CPNE4: variants seen among roughly 807,000 people sequenced by gnomAD.
The protein encoded by CPNE4 is copine 4, also known as copine-4.
CPNE4 carries 25 observed loss-of-function variants against 67.9 expected under a neutral mutation model. The observed-to-expected ratio is 0.37, with a 90% CI of 0.27 to 0.51. The LOEUF (loss-of-function observed/expected upper bound fraction) is 0.51. CPNE4 is among the 20% of genes least tolerant of loss of function. CPNE4 has a pLI of 0.93. For synonymous variants in CPNE4, 242 were observed against 244.9 expected (o/e 0.99, Z 0.11); for missense variants, 464 against 690.8 (o/e 0.67, Z 3.68).
intron 1 of CPNE4, among the ~76,000 whole-genome samples, chr3:131,931,930 A>G (rs573712985): frequency 6.6e-6 from 1 of 152,322 alleles, no homozygotes; most frequent in South Asian, 2.1e-4. Flanking sequence ...TGGTTCTTAC[A>G]GCTCCAAGTT....
At chr3:131,872,199 G>A (rs67477809) in intron 2 of CPNE4, among the ~76,000 whole-genome samples, 2 of 151,878 alleles carry the variant, frequency 1.3e-5, no homozygotes, top group Non-Finnish European at 2.9e-5. Context: ...TGTGTGTAGA[G>A]AGAGAGAGAG....
chr3:131,689,613 T>C (rs1455914201), intron 5 of CPNE4, among the ~76,000 whole-genome samples: 1 of 152,138 alleles, frequency 6.6e-6, no homozygotes, highest in Non-Finnish European at 1.5e-5. Context: ...AACATCATAC[T>C]GAATGGGCAA....
chr3:131,594,330 G>T (rs1161221575), intron 7 of CPNE4, among the ~76,000 whole-genome samples: 1 of 152,100 alleles, frequency 6.6e-6, no homozygotes, highest in Non-Finnish European at 1.5e-5. Flanking sequence ...TTAAAATATT[G>T]TTTATTGGCA....
chr3:131,611,367 G>A (rs1386408900), intron 7 of CPNE4, among the ~76,000 whole-genome samples: 3 of 152,130 alleles, frequency 2.0e-5, no homozygotes, highest in African/African-American at 7.2e-5. Flanking sequence ...CTTCATGACT[G>A]ATTGACAAAG....
chr3:131,541,130 G>C (rs1168445542), intron 15 of CPNE4, among the ~76,000 whole-genome samples: 2 of 152,078 alleles, frequency 1.3e-5, no homozygotes, highest in Non-Finnish European at 2.9e-5. Context: ...TTCACAAGAA[G>C]CACAAAACAA....
At chr3:131,658,703 A>G (rs11713883) in intron 7 of CPNE4, among the ~76,000 whole-genome samples, 2 of 152,212 alleles carry the variant, frequency 1.3e-5, no homozygotes, top group Admixed American at 1.3e-4. Flanking sequence ...AGGAGGGCCT[A>G]TGGGATTGTT....
At chr3:131,609,995 T>G (rs953147549) in intron 7 of CPNE4, among the ~76,000 whole-genome samples, 2 of 152,258 alleles carry the variant, frequency 1.3e-5, no homozygotes, top group African/African-American at 4.8e-5. Flanking sequence ...TAAAGTAGGT[T>G]TGCATAATTC....
intron 2 of CPNE4, among the ~76,000 whole-genome samples, chr3:131,748,991 T>C (rs1309519553): frequency 6.6e-6 from 1 of 152,114 alleles, no homozygotes; most frequent in Non-Finnish European, 1.5e-5. Flanking sequence ...TATTTCCTTC[T>C]TTCTTCTTGC....
At chr3:131,669,878 C>T in intron 6 of CPNE4, 114 bp from the exon 7 acceptor site, 1 of 813,874 alleles carries the variant, frequency 1.2e-6, no homozygotes, top group Non-Finnish European at 2.0e-6. Context: ...GAACAATAGC[C>T]TGGAAGAGGT....
intron 1 of CPNE4, among the ~76,000 whole-genome samples, chr3:131,907,200 G>C (rs922629081): frequency 1.3e-5 from 2 of 152,120 alleles, no homozygotes; most frequent in Non-Finnish European, 2.9e-5. Context: ...CTCTGAAGAC[G>C]ACTGAACGTA....
At chr3:131,941,198 AATAAT>A in intron 1 of CPNE4, among the ~76,000 whole-genome samples, 1 of 152,104 alleles carries the variant, frequency 6.6e-6, no homozygotes, top group South Asian at 2.1e-4. Flanking sequence ...TACAACCATT[AATAAT>A]ACTTAAACTA....
chr3:131,567,857 T>A (rs1937135347), intron 10 of CPNE4, among the ~76,000 whole-genome samples: 1 of 151,964 alleles, frequency 6.6e-6, no homozygotes, highest in Non-Finnish European at 1.5e-5. Flanking sequence ...AGAAGGTTAG[T>A]ATTGGGCTGC....
intron 2 of CPNE4, among the ~76,000 whole-genome samples, chr3:131,763,196 G>A (rs1166706229): frequency 2.0e-5 from 3 of 151,934 alleles, no homozygotes; most frequent in Non-Finnish European, 2.9e-5. Flanking sequence ...TTTCAAATCG[G>A]ACAAGTAATA....
At chr3:131,995,711 T>C (rs2073274521) in intron 1 of CPNE4, among the ~76,000 whole-genome samples, 1 of 152,216 alleles carries the variant, frequency 6.6e-6, no homozygotes, top group Non-Finnish European at 1.5e-5. Flanking sequence ...ATGGACTACC[T>C]ATTCCTGAGA....
At chr3:131,683,987 C>T (rs2080822377) in intron 6 of CPNE4, among the ~76,000 whole-genome samples, 1 of 152,110 alleles carries the variant, frequency 6.6e-6, no homozygotes. Flanking sequence ...TCCCCAAGCA[C>T]ACAGATTCTG....
chr3:132,030,886 C>A (rs566433106), intron 1 of CPNE4, among the ~76,000 whole-genome samples: 16 of 152,128 alleles, frequency 1.1e-4, no homozygotes, highest in Non-Finnish European at 1.9e-4. Context: ...CTAATTGAGG[C>A]CTTACTATAG....
chr3:131,711,520 C>G (rs569960423), intron 3 of CPNE4, among the ~76,000 whole-genome samples: 11 of 152,102 alleles, frequency 7.2e-5, no homozygotes, highest in South Asian at 6.2e-4. Flanking sequence ...GAGGGAAGCA[C>G]GAGTAATCAG....
chr3:131,975,286 T>G (rs2072617154), intron 1 of CPNE4, among the ~76,000 whole-genome samples: 1 of 152,062 alleles, frequency 6.6e-6, no homozygotes, highest in Non-Finnish European at 1.5e-5. Flanking sequence ...GATAAGAAAG[T>G]CAGCCTCCAG....
At chr3:132,018,238 T>C (rs573670079) in intron 1 of CPNE4, among the ~76,000 whole-genome samples, 1 of 152,270 alleles carries the variant, frequency 6.6e-6, no homozygotes, top group South Asian at 2.1e-4. Flanking sequence ...GAAAAGAAGG[T>C]GTATGCTTTA....
Sources: gnomAD v4.1 joint callset for allele counts (sites outside exome capture counted in the v4.1 genomes callset) on GRCh38, gnomAD v4.1.1 for gene constraint, MANE v1.5 for transcripts, NCBI Gene and HGNC (gene_info 2026-07-23, HGNC 2026-07-21) for gene names.